GALNT18: variants seen among roughly 807,000 people sequenced by gnomAD.
GALNT18 encodes the protein GalNAc-transferase 18.
In GALNT18, 44 loss-of-function variants were observed where a neutral mutation model predicts 69.5. That is an observed-to-expected ratio of 0.63 (90% CI 0.50 to 0.81). The LOEUF (loss-of-function observed/expected upper bound fraction) is 0.81, where lower values mean the gene tolerates loss of function less well. GALNT18 is among the 40% of genes least tolerant of loss of function. GALNT18 has a pLI of 0.00. For missense variants in GALNT18, 715 were observed against 810.0 expected (o/e 0.88, Z 1.42); for synonymous variants, 364 against 318.2 (o/e 1.14, Z -1.53).
rs1005938590 is a variant in GALNT18 at position 11,341,366 on chromosome 11, T to C, written c.1093-362A>G. Among the ~76,000 whole-genome samples, 16 of 152,146 alleles carry C rather than the reference T, an allele frequency of 1.1e-4. No individual in the cohort carries two copies. Among genetic ancestry groups the C allele is most frequent in the Admixed American group, 1.0e-3 (16 of 15,276 alleles). ...GAGAAGTTAACAAAACCCTTGATGA[T>C]AGTCTGCAGCAGTGGTTGACATAAA... On this transcript the variant is annotated intron_variant, in intron 6 of 10. Coordinates refer to ENST00000227756, the MANE Select transcript of GALNT18 (RefSeq NM_198516.3). This position sits in a 1 kb window ranked among gnomAD's most constrained non-coding sequence, Gnocchi z 6.3.
intron 1 of GALNT18, among the ~76,000 whole-genome samples, chr11:11,492,212 C>T (rs1180875560): frequency 6.6e-6 from 1 of 152,196 alleles, no homozygotes; most frequent in African/African-American, 2.4e-5. Flanking sequence ...AACAGTTACT[C>T]GTACTGCTGT....
intron 9 of GALNT18, among the ~76,000 whole-genome samples, chr11:11,298,054 G>C (rs555855362): frequency 6.6e-6 from 1 of 152,340 alleles, no homozygotes; most frequent in Non-Finnish European, 1.5e-5. Flanking sequence ...CCTGCCTTTA[G>C]AGCCACAGAG....
intron 6 of GALNT18, among the ~76,000 whole-genome samples, chr11:11,353,872 G>C (rs1375191465): frequency 2.0e-5 from 3 of 152,150 alleles, no homozygotes; most frequent in Non-Finnish European, 4.4e-5. Context: ...ATTGAGATGG[G>C]GTTGGTGGGA....
Position 11,372,632 on chromosome 11 carries a change from G to T in GALNT18, c.978-3C>A. 1 of 1,612,616 alleles carries T rather than the reference G, an allele frequency of 6.2e-7. No individual in the cohort carries two copies. The highest frequency in any genetic ancestry group is 8.5e-7 in the Non-Finnish European group (1 of 1,178,816). ...AGCAGCCAATGAGGGCAGGGCTCCTGCAGGGGCAGGGGAGAGCAGAAGGGC... is the reference window on the plus strand; with the variant it reads ...AGCAGCCAATGAGGGCAGGGCTCCTTCAGGGGCAGGGGAGAGCAGAAGGGC... On this transcript the variant is annotated splice_region_variant and splice_polypyrimidine_tract_variant and intron_variant, in intron 5 of 10. Transcript: ENST00000227756. The surrounding 1 kb of genome is among the most constrained non-coding windows in gnomAD (Gnocchi z 4.9).
In GALNT18 at chr11:11,583,559, C is replaced by T. The variant is rs553257763; in HGVS notation, c.235+37800G>A. Among the ~76,000 whole-genome samples the T allele has an allele frequency of 6.6e-6, 1 of 152,336 alleles. No homozygotes were observed. Among genetic ancestry groups the T allele is most frequent in the East Asian group, 1.9e-4 (1 of 5,182 alleles). Reference sequence around the variant, plus strand: ...TAAGAGTTGTAGCTACTAAATTCCTCTCCACCTGGCCCCAGCAAAGGATAC... The same window carrying T: ...TAAGAGTTGTAGCTACTAAATTCCTTTCCACCTGGCCCCAGCAAAGGATAC... On this transcript the variant is annotated intron_variant, in intron 1 of 10. Coordinates refer to ENST00000227756, the MANE Select transcript of GALNT18 (RefSeq NM_198516.3). This position sits in a 1 kb window ranked among gnomAD's most constrained non-coding sequence, Gnocchi z 4.7.
At chr11:11,343,219 G>T (rs546086562) in intron 6 of GALNT18, among the ~76,000 whole-genome samples, 1 of 152,002 alleles carries the variant, frequency 6.6e-6, no homozygotes, top group African/African-American at 2.4e-5. Context: ...GTGGTGGCAC[G>T]TGCCTGTAGT....
chr11:11,522,102 G>A (rs1400265576), intron 1 of GALNT18, among the ~76,000 whole-genome samples: 2 of 152,118 alleles, frequency 1.3e-5, no homozygotes, highest in African/African-American at 4.8e-5. Context: ...CCCTAGGAAG[G>A]AAGGAAGGAA....
intron 1 of GALNT18, among the ~76,000 whole-genome samples, chr11:11,522,702 C>T (rs1432971336): frequency 6.6e-6 from 1 of 152,150 alleles, no homozygotes; most frequent in Non-Finnish European, 1.5e-5. Flanking sequence ...ACAAAACAGA[C>T]AGTCCACTGT....
At chr11:11,464,676 G>A (rs188804977) in intron 1 of GALNT18, among the ~76,000 whole-genome samples, 4 of 152,304 alleles carry the variant, frequency 2.6e-5, no homozygotes, top group Non-Finnish European at 4.4e-5. Flanking sequence ...TATGCATCAA[G>A]ATACAGCAGT....
At chr11:11,299,052 AGTG>A (rs1223802244) in intron 9 of GALNT18, among the ~76,000 whole-genome samples, 4 of 152,190 alleles carry the variant, frequency 2.6e-5, no homozygotes, top group African/African-American at 9.7e-5. Context: ...TTGGGGAACA[AGTG>A]GTGTTCGGTT....
intron 1 of GALNT18, among the ~76,000 whole-genome samples, chr11:11,453,081 G>C (rs1855841816): frequency 6.6e-6 from 1 of 152,168 alleles, no homozygotes; most frequent in South Asian, 2.1e-4. Context: ...GGAGAAATAG[G>C]ATGAAAGGGA....
chr11:11,364,559 GA>G (rs35921736), intron 6 of GALNT18, among the ~76,000 whole-genome samples: 35,834 of 151,728 alleles, frequency 0.24, 4,877 homozygotes, highest in Middle Eastern at 0.32. Flanking sequence ...AAGAGGGGGG[GA>G]AAAAGAGATG....
intron 9 of GALNT18, among the ~76,000 whole-genome samples, chr11:11,293,533 C>CTTTTTTTTTTTTTTTTT (rs34166465): frequency 3.7e-5 from 3 of 80,214 alleles, no homozygotes; most frequent in African/African-American, 1.0e-4. Flanking sequence ...ACAAACCCCT[C>CTTTTTTTTTTTTTTTTT]TTTTTTTTTT....
At chr11:11,553,987 C>T (rs1050337315) in intron 1 of GALNT18, among the ~76,000 whole-genome samples, 1 of 152,226 alleles carries the variant, frequency 6.6e-6, no homozygotes, top group Non-Finnish European at 1.5e-5. Context: ...TTGATTACTG[C>T]TCCCCTTCTG....
intron 1 of GALNT18, among the ~76,000 whole-genome samples, chr11:11,536,645 T>C (rs1414181790): frequency 6.7e-6 from 1 of 148,894 alleles, no homozygotes; most frequent in East Asian, 1.9e-4. Context: ...GAAATGAAAA[T>C]TGAGACAAAA....
At chr11:11,522,767 G>A (rs958740235) in intron 1 of GALNT18, among the ~76,000 whole-genome samples, 2 of 152,050 alleles carry the variant, frequency 1.3e-5, no homozygotes, top group Non-Finnish European at 2.9e-5. Flanking sequence ...CTTCTCCACC[G>A]ACAAAGACAC....
intron 6 of GALNT18, among the ~76,000 whole-genome samples, chr11:11,354,691 G>T (rs1439472597): frequency 1.3e-5 from 2 of 152,134 alleles, no homozygotes; most frequent in Non-Finnish European, 2.9e-5. Flanking sequence ...CTATACCACA[G>T]CTTTTCGGGA....
At chr11:11,283,295 C>T (rs1029614890) in intron 10 of GALNT18, among the ~76,000 whole-genome samples, 9 of 152,144 alleles carry the variant, frequency 5.9e-5, no homozygotes, top group Admixed American at 2.6e-4. Flanking sequence ...TACAGACATG[C>T]ACCATCATGC....
rs1854081633 is a variant in GALNT18 at position 11,387,341 on chromosome 11, C to T, written c.596-8077G>A. ...ACGGCTTTTTGTCCCATTGTGGCCA[C>T]ACCCCTCCTTCCTGGCTCAATGCTG... On this transcript the variant is annotated intron_variant, in intron 3 of 10. Coordinates refer to ENST00000227756, the MANE Select transcript of GALNT18 (RefSeq NM_198516.3). This position sits in a 1 kb window ranked among gnomAD's most constrained non-coding sequence, Gnocchi z 4.6. Among the ~76,000 whole-genome samples, 1 of 152,096 alleles carries T rather than the reference C, an allele frequency of 6.6e-6. No homozygotes were observed. Among genetic ancestry groups the T allele is most frequent in the Non-Finnish European group, 1.5e-5 (1 of 68,022 alleles).
Sources: gnomAD v4.1 joint callset for allele counts (sites outside exome capture counted in the v4.1 genomes callset) on GRCh38, gnomAD v4.1.1 for gene constraint, Gnocchi (gnomAD v3.1) non-coding constraint, MANE v1.5 for transcripts, NCBI Gene and HGNC (gene_info 2026-07-23, HGNC 2026-07-21) for gene names.